The following GRIA1 variants were observed in gnomAD, a reference collection of about 807,000 sequenced individuals.
The protein encoded by GRIA1 is glutamate receptor 1.
GRIA1 carries 31 observed loss-of-function variants against 99.2 expected under a neutral mutation model. The observed-to-expected ratio is 0.31, with a 90% CI of 0.23 to 0.42. The LOEUF (loss-of-function observed/expected upper bound fraction) is 0.42, where lower values mean the gene tolerates loss of function less well. GRIA1 is among the 10% of genes least tolerant of loss of function. The pLI is 1.00. For missense variants in GRIA1, 782 were observed against 1,157.5 expected (o/e 0.68, Z 4.71); for synonymous variants, 438 against 432.4 (o/e 1.01, Z -0.16).
chr5:153,526,922 C>T lies in GRIA1; in HGVS notation c.220+32857C>T, dbSNP rs1186436156. Among the ~76,000 whole-genome samples, 3 of 152,294 alleles carry T rather than the reference C, an allele frequency of 2.0e-5. No homozygotes were observed. The South Asian group carries it at 6.2e-4, about 32-fold the overall frequency. On this transcript the variant is annotated intron_variant, in intron 2 of 15. Transcript: ENST00000285900. ...TGCAAAAATGGAAATAGTAATACTA[C>T]CCCACAGGGTTGTTTGTGTGACTAA... is the stretch of plus-strand genomic sequence containing the variant.
At chr5:153,692,898 G>C (rs1033167200) in intron 8 of GRIA1, among the ~76,000 whole-genome samples, 4 of 151,990 alleles carry the variant, frequency 2.6e-5, no homozygotes. Context: ...CAATAAGTAA[G>C]GGAAAAAAAT....
chr5:153,554,493 G>C (rs973158111), intron 2 of GRIA1, among the ~76,000 whole-genome samples: 19 of 151,988 alleles, frequency 1.3e-4, no homozygotes, highest in Admixed American at 1.2e-3. Context: ...TGTTGTTGTT[G>C]CTGCTTTGTT....
At chr5:153,624,782 C>T (rs918782086) in intron 2 of GRIA1, among the ~76,000 whole-genome samples, 3 of 152,168 alleles carry the variant, frequency 2.0e-5, no homozygotes, top group Non-Finnish European at 4.4e-5. Context: ...CTGTAAGAAA[C>T]ATCTTCAACA....
At chr5:153,703,348 A>G (rs1366878809) in intron 10 of GRIA1, among the ~76,000 whole-genome samples, 1 of 152,184 alleles carries the variant, frequency 6.6e-6, no homozygotes, top group African/African-American at 2.4e-5. Flanking sequence ...TTCTGCCCCA[A>G]GCATGTTTAT....
intron 13 of GRIA1, among the ~76,000 whole-genome samples, chr5:153,785,805 A>G (rs1258690509): frequency 6.6e-6 from 1 of 152,156 alleles, no homozygotes; most frequent in Non-Finnish European, 1.5e-5. Flanking sequence ...ATCCCAACAA[A>G]TCATACTTTT....
At chr5:153,549,541 T>A (rs1317007678) in intron 2 of GRIA1, among the ~76,000 whole-genome samples, 2 of 152,100 alleles carry the variant, frequency 1.3e-5, no homozygotes, top group African/African-American at 2.4e-5. Flanking sequence ...AAATTGGGTT[T>A]ATTGTGGGTC....
intron 1 of GRIA1, chr5:153,491,191 C>G: frequency 8.6e-7 from 1 of 1,161,060 alleles, no homozygotes; most frequent in East Asian, 2.7e-5. Context: ...GCACACATAC[C>G]CTACTCGCAC....
At chr5:153,568,074 T>C (rs1312754665) in intron 2 of GRIA1, among the ~76,000 whole-genome samples, 1 of 152,032 alleles carries the variant, frequency 6.6e-6, no homozygotes, top group African/African-American at 2.4e-5. Flanking sequence ...AATCAGAGAG[T>C]GATAGAGCTA....
At chr5:153,528,271 G>A (rs1757790758) in intron 2 of GRIA1, among the ~76,000 whole-genome samples, 1 of 152,056 alleles carries the variant, frequency 6.6e-6, no homozygotes, top group Non-Finnish European at 1.5e-5. Context: ...ATTTTTTCCA[G>A]AATATGTTTT....
intron 4 of GRIA1, among the ~76,000 whole-genome samples, chr5:153,650,895 C>CAAAAAAAA (rs1274272624): frequency 4.6e-5 from 2 of 43,222 alleles, no homozygotes; most frequent in Non-Finnish European, 1.3e-4. Flanking sequence ...CCTGTCTCCA[C>CAAAAAAAA]TAAAAAAAAA....
At chr5:153,700,411 G>A (rs1019793585) in intron 10 of GRIA1, among the ~76,000 whole-genome samples, 2 of 152,166 alleles carry the variant, frequency 1.3e-5, no homozygotes, top group South Asian at 2.1e-4. Context: ...AAACATATGA[G>A]AGAAAAGCAG....
In GRIA1 at chr5:153,689,009, C is replaced by T. The variant is rs531585524; in HGVS notation, c.1134+2680C>T. ...TGCTGAGATTACAGGTATGAGCCAC[C>T]GCCCCCAGGCTTTTTTTTCTTTCTT... On this transcript the variant is annotated intron_variant, in intron 8 of 15. Coordinates refer to ENST00000285900, the MANE Select transcript of GRIA1 (RefSeq NM_000827.4). Among the ~76,000 whole-genome samples the T allele has an allele frequency of 2.6e-4, 39 of 151,732 alleles. No individual in the cohort carries two copies. In the South Asian group the frequency reaches 6.9e-3, roughly 27 times the overall value.
intron 2 of GRIA1, among the ~76,000 whole-genome samples, chr5:153,526,702 C>A (rs1757629530): frequency 6.6e-6 from 1 of 152,202 alleles, no homozygotes; most frequent in Non-Finnish European, 1.5e-5. Flanking sequence ...AATTCATGCA[C>A]AATCATCTGC....
chr5:153,493,138 T>C lies in GRIA1; in HGVS notation c.83-790T>C, dbSNP rs75011964. 5.0e-3 allele frequency among the ~76,000 whole-genome samples: 769 copies of C among 152,348 alleles called. 7 individuals are homozygous for C. The highest frequency in any genetic ancestry group is 0.016 in the African/African-American group (678 of 41,580). On this transcript the variant is annotated intron_variant, in intron 1 of 15. Transcript: ENST00000285900. ...GAACAGGCATCCCATCAGGCACCTT[T>C]ACTATACCTTTTACTAGAATAGAAT...
At chr5:153,689,883 T>C (rs1757619806) in intron 8 of GRIA1, among the ~76,000 whole-genome samples, 1 of 152,206 alleles carries the variant, frequency 6.6e-6, no homozygotes. Flanking sequence ...TCCCCAGTTG[T>C]TACTCCCAGA....
chr5:153,552,238 C>CAA (rs1027907679), intron 2 of GRIA1, among the ~76,000 whole-genome samples: 1 of 109,510 alleles, frequency 9.1e-6, no homozygotes, highest in African/African-American at 2.9e-5. Context: ...GGATTTTCAG[C>CAA]AAAAAAAAAG....
At chr5:153,756,683 TC>T (rs1297972013) in intron 11 of GRIA1, among the ~76,000 whole-genome samples, 1 of 152,038 alleles carries the variant, frequency 6.6e-6, no homozygotes, top group Admixed American at 6.6e-5. Context: ...TGGAGTACCA[TC>T]CCAACCTCTA....
chr5:153,648,434 C>T (rs1561726563), intron 3 of GRIA1, among the ~76,000 whole-genome samples: 1 of 152,136 alleles, frequency 6.6e-6, no homozygotes, highest in Non-Finnish European at 1.5e-5. Flanking sequence ...AAAAGAGCTC[C>T]ACCTACCTCA....
intron 2 of GRIA1, 92 bp from the exon 3 acceptor site, chr5:153,646,836 T>TTGGATGGATGAACTAG: frequency 1.5e-6 from 2 of 1,366,666 alleles, no homozygotes; most frequent in African/African-American, 2.9e-5. Flanking sequence ...AATTGATGGG[T>TTGGATGGATGAACTAG]TGGATGGATG....
Sources: allele counts gnomAD v4.1 joint callset (sites outside exome capture counted in the v4.1 genomes callset), GRCh38; gene constraint gnomAD v4.1.1; transcripts MANE v1.5; gene names NCBI Gene and HGNC (gene_info 2026-07-23, HGNC 2026-07-21).